The following CADPS2 variants were observed in gnomAD, a reference collection of about 807,000 sequenced individuals.
CADPS2 encodes calcium dependent secretion activator 2.
A neutral mutation model predicts 172.5 loss-of-function variants in CADPS2; 93 were observed. That is an observed-to-expected ratio of 0.54 (90% CI 0.46 to 0.64). The LOEUF (loss-of-function observed/expected upper bound fraction) is 0.64, where lower values mean the gene tolerates loss of function less well. Among genes scored for constraint, CADPS2 ranks in the 30% least tolerant of loss-of-function variants. The probability of loss-of-function intolerance (pLI) is 0.00; values close to 1 mark genes in which losing one functional copy is unlikely to be tolerated. For missense variants in CADPS2, 1,420 were observed against 1,565.9 expected, an observed-to-expected ratio of 0.91 and a Z score of 1.57; for synonymous variants, 546 against 555.2, an observed-to-expected ratio of 0.98 and a Z score of 0.23.
At chr7:122,574,445 T>TAAAA (rs869077766) in intron 7 of CADPS2, among the ~76,000 whole-genome samples, 2,821 of 37,930 alleles carry the variant, frequency 0.074, 479 homozygotes, top group African/African-American at 0.21. Context: ...GACCCTGTCT[T>TAAAA]AAAAAAAAAA....
chr7:122,747,649 T>C (rs2138242767), intron 1 of CADPS2, among the ~76,000 whole-genome samples: 1 of 152,216 alleles, frequency 6.6e-6, no homozygotes, highest in Non-Finnish European at 1.5e-5. Flanking sequence ...GCCCAGAGAA[T>C]TTAAGAAAGT....
At position 122,385,002 on chromosome 7, in the gene CADPS2, C is replaced by T. The variant is rs115292368; in HGVS notation, c.3312+2024G>A. On this transcript the variant is annotated intron_variant, in intron 24 of 29. Transcript: ENST00000449022. ...TAAAATAAGAACAAACGGATAAACC[C>T]AGTATGAATGGAAGATGATTCCACA... Among the ~76,000 whole-genome samples, 419 of 151,894 alleles carry T rather than the reference C, an allele frequency of 2.8e-3. 4 individuals are homozygous for T. Among genetic ancestry groups the T allele is most frequent in the African/African-American group, 9.6e-3 (398 of 41,432 alleles).
chr7:122,689,618 C>T (rs1412188319), intron 2 of CADPS2, among the ~76,000 whole-genome samples: 1 of 152,188 alleles, frequency 6.6e-6, no homozygotes, highest in Non-Finnish European at 1.5e-5. Flanking sequence ...GCACATGGGG[C>T]CACCCTCAGG....
At chr7:122,798,388 T>C (rs1451328311) in intron 1 of CADPS2, among the ~76,000 whole-genome samples, 4 of 152,150 alleles carry the variant, frequency 2.6e-5, no homozygotes, top group Non-Finnish European at 5.9e-5. Context: ...CCATCTAAAG[T>C]CTGAAGTATT....
At chr7:122,541,799 ATATATATTTATATATTC>A (rs2063058663) in intron 8 of CADPS2, among the ~76,000 whole-genome samples, 1 of 99,784 alleles carries the variant, frequency 1.0e-5, no homozygotes, top group Non-Finnish European at 2.3e-5. Flanking sequence ...TTATATATTC[ATATATATTTATATATTC>A]ATATGTTTAT....
intron 1 of CADPS2, among the ~76,000 whole-genome samples, chr7:122,874,885 G>A (rs896535135): frequency 1.3e-5 from 2 of 152,216 alleles, no homozygotes; most frequent in African/African-American, 4.8e-5. Context: ...ATTAACTCAA[G>A]ATGGATTAAG....
chr7:122,659,067 A>G (rs989361786), intron 3 of CADPS2, among the ~76,000 whole-genome samples: 2 of 152,086 alleles, frequency 1.3e-5, no homozygotes, highest in Admixed American at 1.3e-4. Context: ...CTGGCTTACA[A>G]CAAAAAATTA....
intron 4 of CADPS2, among the ~76,000 whole-genome samples, chr7:122,627,301 T>C (rs901574964): frequency 2.0e-5 from 3 of 152,346 alleles, no homozygotes; most frequent in Admixed American, 1.3e-4. Flanking sequence ...TCAATTGTTA[T>C]TAGGCTTAAA....
chr7:122,826,127 C>T (rs534128005), intron 1 of CADPS2, among the ~76,000 whole-genome samples: 8 of 152,196 alleles, frequency 5.3e-5, no homozygotes, highest in South Asian at 4.2e-4. Context: ...TGGAGAGTAG[C>T]GACTTTCATC....
chr7:122,697,785 C>A, intron 2 of CADPS2: 1 of 1,561,916 alleles, frequency 6.4e-7, no homozygotes, highest in Non-Finnish European at 8.6e-7. Flanking sequence ...AAAAGTCATG[C>A]CATCAAGGTG....
At chr7:122,420,580 T>A (rs901276877) in intron 17 of CADPS2, among the ~76,000 whole-genome samples, 10 of 152,230 alleles carry the variant, frequency 6.6e-5, no homozygotes, top group African/African-American at 2.4e-4. Flanking sequence ...ATAGCCCCAT[T>A]AAAAAGCCGA....
chr7:122,736,618 T>C (rs1204098062), intron 2 of CADPS2, among the ~76,000 whole-genome samples: 2 of 152,188 alleles, frequency 1.3e-5, no homozygotes, highest in Non-Finnish European at 2.9e-5. Flanking sequence ...AGATAGCAAT[T>C]TACTATTGAA....
At chr7:122,392,167 G>A (rs1044701699) in intron 22 of CADPS2, among the ~76,000 whole-genome samples, 3 of 152,060 alleles carry the variant, frequency 2.0e-5, no homozygotes, top group Non-Finnish European at 2.9e-5. Flanking sequence ...GTAACTGCCC[G>A]AGTTTTCCCA....
intron 4 of CADPS2, among the ~76,000 whole-genome samples, chr7:122,622,630 A>C (rs978707871): frequency 4.6e-5 from 7 of 152,150 alleles, no homozygotes; most frequent in Non-Finnish European, 1.0e-4. Flanking sequence ...ATGTTTGCCA[A>C]CCTGGCACTT....
chr7:122,539,204 A>T (rs2131540126), intron 8 of CADPS2, among the ~76,000 whole-genome samples: 1 of 152,146 alleles, frequency 6.6e-6, no homozygotes, highest in Middle Eastern at 3.4e-3. Context: ...ATCACAAAGG[A>T]CTCTGCCCTC....
chr7:122,696,854 T>C lies in CADPS2; in HGVS notation c.454-33285A>G, dbSNP rs568595488. On this transcript the variant is annotated intron_variant, in intron 2 of 29. Coordinates refer to ENST00000449022, the MANE Select transcript of CADPS2 (RefSeq NM_017954.11). ...TGCATTACAACAAAGATATTTATCATTCACTTATTCATTCATTCAAAAATA... is the reference window on the plus strand; with the variant it reads ...TGCATTACAACAAAGATATTTATCACTCACTTATTCATTCATTCAAAAATA... 4.3e-4 allele frequency among the ~76,000 whole-genome samples: 66 copies of C among 152,306 alleles called. 1 individual carries two copies. Among genetic ancestry groups the C allele is most frequent in the Non-Finnish European group, 6.5e-4 (44 of 68,020 alleles).
intron 2 of CADPS2, among the ~76,000 whole-genome samples, chr7:122,735,111 G>GT (rs1298738035): frequency 6.6e-6 from 1 of 152,118 alleles, no homozygotes; most frequent in African/African-American, 2.4e-5. Flanking sequence ...CCCAGGACCT[G>GT]TTTCTGTAGT....
At chr7:122,596,257 C>G (rs1051997580) in intron 6 of CADPS2, among the ~76,000 whole-genome samples, 1 of 152,080 alleles carries the variant, frequency 6.6e-6, no homozygotes, top group Non-Finnish European at 1.5e-5. Flanking sequence ...TGTTAGAAAA[C>G]ATTTGATCCT....
chr7:122,500,813 A>G (rs1289926730), intron 9 of CADPS2, among the ~76,000 whole-genome samples: 1 of 152,194 alleles, frequency 6.6e-6, no homozygotes, highest in Non-Finnish European at 1.5e-5. Context: ...TGACTTATGT[A>G]AGTGGCAAGA....
Sources: gnomAD v4.1 joint callset for allele counts (sites outside exome capture counted in the v4.1 genomes callset) on GRCh38, gnomAD v4.1.1 for gene constraint, MANE v1.5 for transcripts, NCBI Gene and HGNC (gene_info 2026-07-23, HGNC 2026-07-21) for gene names.